The following PRSS55 variants were observed in gnomAD, a reference collection of about 807,000 sequenced individuals.
PRSS55 encodes probable serine protease UNQ9391/PRO34284.
A neutral mutation model predicts 23.6 loss-of-function variants in PRSS55; 41 were observed. The ratio of observed to expected loss-of-function variants is 1.74; its 90% CI spans 1.35 to 2.26. The LOEUF (loss-of-function observed/expected upper bound fraction) is 2.26. PRSS55 is among the 30% of genes most tolerant of loss of function. The pLI is 0.00. For synonymous variants in PRSS55, 262 were observed against 175.5 expected, an observed-to-expected ratio of 1.49 and a Z score of -3.90; for missense variants, 669 against 439.1, an observed-to-expected ratio of 1.52 and a Z score of -4.68.
intron 3 of PRSS55, 194 bp downstream of exon 3, chr8:10,531,739 C>A: frequency 1.5e-6 from 1 of 661,408 alleles, no homozygotes; most frequent in Non-Finnish European, 2.5e-6. Flanking sequence ...GAGCCAGTCC[C>A]CTAGTGCAGT....
intron 2 of PRSS55, among the ~76,000 whole-genome samples, chr8:10,530,198 G>A (rs192566142): frequency 1.6e-4 from 24 of 152,360 alleles, no homozygotes; most frequent in African/African-American, 4.8e-4. Flanking sequence ...GGCCGGGTGC[G>A]GTGGCTCACG....
chr8:10,526,968 C>T (rs1405291977), intron 1 of PRSS55, among the ~76,000 whole-genome samples: 3 of 152,218 alleles, frequency 2.0e-5, no homozygotes, highest in Admixed American at 1.3e-4. Flanking sequence ...ACCCTGAGCA[C>T]GTGCCATGTT....
chr8:10,530,851 G>C (rs955077279), intron 2 of PRSS55, among the ~76,000 whole-genome samples: 37 of 152,192 alleles, frequency 2.4e-4, no homozygotes, highest in African/African-American at 8.9e-4. Flanking sequence ...TGCTTGGTCA[G>C]TGGCAGGTCT....
At chr8:10,541,798 G>A (rs374286400), downstream of PRSS55, among the ~76,000 whole-genome samples, 61 of 152,072 alleles carry the variant, frequency 4.0e-4, no homozygotes, top group African/African-American at 1.4e-3. Flanking sequence ...TCACTCTGTC[G>A]CCCAGGCTGG....
intron 4 of PRSS55, among the ~76,000 whole-genome samples, chr8:10,533,958 G>A (rs1215632273): frequency 1.6e-4 from 24 of 152,152 alleles, no homozygotes; most frequent in Non-Finnish European, 2.9e-5. Context: ...GGGGTTGGAG[G>A]CAGAAAGGGA....
At position 10,538,462 on chromosome 8, in the gene PRSS55, T is replaced by G. The variant is rs748825662; in HGVS notation, c.742-14T>G. 4 of 1,596,374 alleles carry G rather than the reference T, an allele frequency of 2.5e-6. No individual in the cohort carries two copies. The highest frequency in any genetic ancestry group is 3.4e-6 in the Non-Finnish European group (4 of 1,167,526). ...GAACCGGACTCCCTGCTGAGCTGTG[T>G]TCTCTGCCCACAGGGTGACAGTGGG... On this transcript the variant is annotated splice_polypyrimidine_tract_variant and intron_variant, in intron 4 of 4. Coordinates refer to ENST00000328655, the MANE Select transcript of PRSS55 (RefSeq NM_198464.4).
chr8:10,543,897 T>G (rs34770482), intron 4 of PRSS55, among the ~76,000 whole-genome samples: 84,135 of 152,082 alleles, frequency 0.55, 24,785 homozygotes, highest in South Asian at 0.74. Context: ...TACTTTGTAT[T>G]ATTTCAATCC....
At chr8:10,546,725 T>C (rs1019236047) in intron 4 of PRSS55, among the ~76,000 whole-genome samples, 81 of 152,230 alleles carry the variant, frequency 5.3e-4, no homozygotes, top group African/African-American at 1.9e-3. Context: ...ACTCTGTTGC[T>C]CAGGCAGAAG....
intron 4 of PRSS55, among the ~76,000 whole-genome samples, chr8:10,553,612 C>T (rs185503071): frequency 2.0e-5 from 3 of 152,254 alleles, no homozygotes; most frequent in East Asian, 1.9e-4. Flanking sequence ...CTCATAGAAT[C>T]GCAGAGTAGA....
intron 3 of PRSS55, among the ~76,000 whole-genome samples, chr8:10,532,619 T>C (rs534516780): frequency 9.8e-5 from 15 of 152,346 alleles, no homozygotes; most frequent in South Asian, 2.1e-4. Flanking sequence ...AGTAGCCAGT[T>C]CCAAGAAGCT....
chr8:10,546,771 C>G (rs1367132330), intron 4 of PRSS55, among the ~76,000 whole-genome samples: 1 of 152,154 alleles, frequency 6.6e-6, no homozygotes, highest in African/African-American at 2.4e-5. Flanking sequence ...GAAGCCTCAC[C>G]CTTCCAGGCT....
intron 1 of PRSS55, 67 bp from the exon 2 acceptor site, chr8:10,529,440 C>T (rs1309720691): frequency 1.3e-6 from 2 of 1,519,364 alleles, no homozygotes; most frequent in Non-Finnish European, 1.8e-6. Context: ...CAGCCCGGTC[C>T]CCAGCTCACA....
chr8:10,539,397 G>T (rs574807795), downstream of PRSS55, among the ~76,000 whole-genome samples: 1 of 152,316 alleles, frequency 6.6e-6, no homozygotes, highest in South Asian at 2.1e-4. Flanking sequence ...CCTTCACATG[G>T]TGTTTTACAT....
Position 10,553,891 on chromosome 8 carries a change from C to T in PRSS55, c.742-52C>T, listed in dbSNP as rs889034095. ...ACATAAATCAAAGCACCACATTGTACAATAAATACATAAAATTTTTTTAAT... is the reference window on the plus strand; with the variant it reads ...ACATAAATCAAAGCACCACATTGTATAATAAATACATAAAATTTTTTTAAT... On this transcript the variant is annotated intron_variant, in intron 4 of 4. Transcript: ENST00000522210. 1.4e-5 allele frequency: 18 copies of T among 1,257,888 alleles called. No homozygotes were observed. The African/African-American group carries it at 2.3e-4, about 16-fold the overall frequency. 77.9% of individuals were successfully genotyped at this position (1,257,888 alleles called of 1,614,324 possible).
intron 1 of PRSS55, among the ~76,000 whole-genome samples, chr8:10,527,939 A>G (rs1812095860): frequency 1.3e-5 from 2 of 152,194 alleles, no homozygotes; most frequent in African/African-American, 2.4e-5. Flanking sequence ...TAGGCCGGGC[A>G]TGGTGGCTCA....
intron 1 of PRSS55, among the ~76,000 whole-genome samples, chr8:10,529,059 A>G (rs1362956416): frequency 6.6e-6 from 1 of 152,104 alleles, no homozygotes; most frequent in Non-Finnish European, 1.5e-5. Flanking sequence ...AGCAACCCAA[A>G]TTCCATCTCC....
chr8:10,528,193 C>A (rs1054878081), intron 1 of PRSS55, among the ~76,000 whole-genome samples: 1 of 140,466 alleles, frequency 7.1e-6, no homozygotes, highest in African/African-American at 2.6e-5. Context: ...AGCAAGACTT[C>A]GTCTCTCAAA....
At chr8:10,530,762 C>G (rs1468948070) in intron 2 of PRSS55, among the ~76,000 whole-genome samples, 1 of 152,126 alleles carries the variant, frequency 6.6e-6, no homozygotes, top group African/African-American at 2.4e-5. Context: ...TAACCACAGA[C>G]CTTTGTGGCA....
intron 4 of PRSS55, among the ~76,000 whole-genome samples, chr8:10,546,971 G>A (rs1169777061): frequency 1.3e-5 from 2 of 152,060 alleles, no homozygotes; most frequent in East Asian, 1.9e-4. Context: ...TGTGAGCCAC[G>A]GTGTCCGACC....
Sources: allele counts gnomAD v4.1 joint callset (sites outside exome capture counted in the v4.1 genomes callset), GRCh38; gene constraint gnomAD v4.1.1; transcripts MANE v1.5; gene names NCBI Gene and HGNC (gene_info 2026-07-23, HGNC 2026-07-21).